The following MAMDC2 variants were observed in gnomAD, a reference collection of about 807,000 sequenced individuals.
The protein encoded by MAMDC2 is MAM domain-containing protein 2.
In MAMDC2, 57 loss-of-function variants were observed where a neutral mutation model predicts 89.8. The ratio of observed to expected loss-of-function variants is 0.63; its 90% confidence interval spans 0.51 to 0.79. The LOEUF (loss-of-function observed/expected upper bound fraction) is 0.79. Ranked by LOEUF, MAMDC2 falls within the 30% of genes least tolerant of loss-of-function variation. The probability of loss-of-function intolerance (pLI) is 0.00; values close to 1 mark genes in which losing one functional copy is unlikely to be tolerated. For synonymous variants in MAMDC2, 313 were observed against 293.4 expected, an observed-to-expected ratio of 1.07 and a Z score of -0.68; for missense variants, 800 against 820.6, an observed-to-expected ratio of 0.97 and a Z score of 0.31.
At chr9:70,181,008 C>T (rs2032634233) in intron 11 of MAMDC2, among the ~76,000 whole-genome samples, 1 of 152,184 alleles carries the variant, frequency 6.6e-6, no homozygotes, top group South Asian at 2.1e-4. Context: ...AGTCTTTAAT[C>T]CAACTTGAGT....
intron 11 of MAMDC2, among the ~76,000 whole-genome samples, chr9:70,197,676 G>C (rs2032999750): frequency 6.6e-6 from 1 of 152,028 alleles, no homozygotes; most frequent in South Asian, 2.1e-4. Context: ...AAAAGAAAGA[G>C]ACAATAACAT....
At chr9:70,126,509 CACT>C in intron 6 of MAMDC2, 94 bp downstream of exon 6, 2 of 1,310,482 alleles carry the variant, frequency 1.5e-6, no homozygotes, top group Non-Finnish European at 2.1e-6. Context: ...TGCAGCCTCA[CACT>C]CAGTCTGTCT....
chr9:70,178,817 G>A (rs1004597404), intron 11 of MAMDC2, among the ~76,000 whole-genome samples: 2 of 152,166 alleles, frequency 1.3e-5, no homozygotes, highest in Non-Finnish European at 2.9e-5. Flanking sequence ...AGCTCTCCTT[G>A]TGGGTATCTG....
rs1215738162 is a variant in MAMDC2 at position 70,221,356 on chromosome 9, A to AATATAT, written c.1911+2780_1911+2785dup. Among the ~76,000 whole-genome samples, 14 of 9,406 alleles carry AATATAT rather than the reference A, an allele frequency of 1.5e-3. 1 individual carries two copies. The highest frequency in any genetic ancestry group is 0.013 in the East Asian group (2 of 154). 6.2% of individuals were successfully genotyped at this position (9,406 alleles called of 152,430 possible). On this transcript the variant is annotated intron_variant, in intron 12 of 13. Coordinates refer to ENST00000377182, the MANE Select transcript of MAMDC2 (RefSeq NM_153267.5). ...AAAAAAAAAAGCAAGCCAAACAACA[A>AATATAT]ATATATATATATATATATATATATA...
chr9:70,176,618 G>C (rs2032509743), intron 11 of MAMDC2, among the ~76,000 whole-genome samples: 1 of 152,048 alleles, frequency 6.6e-6, no homozygotes, highest in Admixed American at 6.5e-5. Flanking sequence ...TTTATTCTCT[G>C]TTTCATTTGC....
chr9:70,174,558 T>C (rs1480456606), intron 11 of MAMDC2, among the ~76,000 whole-genome samples: 1 of 151,942 alleles, frequency 6.6e-6, no homozygotes. Flanking sequence ...GGGACAGCCA[T>C]TGCAAAGCCC....
At chr9:70,148,376 T>C (rs2031472465) in intron 9 of MAMDC2, among the ~76,000 whole-genome samples, 1 of 150,210 alleles carries the variant, frequency 6.7e-6, no homozygotes, top group Admixed American at 6.7e-5. Flanking sequence ...CAGCATAACA[T>C]AGTGATTAGG....
At position 70,166,270 on chromosome 9, in the gene MAMDC2, T is replaced by TACACACAC. The variant is rs1372969228; in HGVS notation, c.1405-2431_1405-2430insCACACACA. Among the ~76,000 whole-genome samples the TACACACAC allele has an allele frequency of 6.8e-4, 24 of 35,132 alleles. No homozygotes were observed. The South Asian group carries it at 0.011, about 15-fold the overall frequency. 23.0% of individuals were successfully genotyped at this position (35,132 alleles called of 152,430 possible). The stretch of plus-strand genomic sequence containing the variant: ...AAAAAAAACAAAACAGAAATATATA[T>TACACACAC]ATATATACACACACACACACACACA... On this transcript the variant is annotated intron_variant, in intron 9 of 13. Transcript: ENST00000377182.
In MAMDC2 at chr9:70,218,296, G is replaced by A. The variant is rs1218129657; in HGVS notation, c.1652-41G>A. The A allele has an allele frequency of 6.4e-6, 10 of 1,566,416 alleles. No homozygotes were observed. The South Asian group carries it at 1.1e-4, about 17-fold the overall frequency. On this transcript the variant is annotated intron_variant, in intron 11 of 13. Transcript: ENST00000377182. Reference sequence around the variant, plus strand: ...ATTATGAAAGGAGAAAATGTAATTTGTGTCCTTTTTAACAATACCTGCTTT... The same window carrying A: ...ATTATGAAAGGAGAAAATGTAATTTATGTCCTTTTTAACAATACCTGCTTT...
chr9:70,172,039 T>C (rs1482713371), intron 11 of MAMDC2: 2 of 152,228 alleles, frequency 1.3e-5, no homozygotes, highest in African/African-American at 2.4e-5. Flanking sequence ...TGGTAGAATG[T>C]AATAATGAAC....
intron 2 of MAMDC2, among the ~76,000 whole-genome samples, chr9:70,077,232 A>G (rs1252138445): frequency 6.6e-6 from 1 of 152,190 alleles, no homozygotes; most frequent in Non-Finnish European, 1.5e-5. Flanking sequence ...TGATCACGTC[A>G]AAGAATGAAG....
intron 9 of MAMDC2, among the ~76,000 whole-genome samples, chr9:70,163,232 T>C (rs2032044219): frequency 6.8e-6 from 1 of 146,542 alleles, no homozygotes; most frequent in Non-Finnish European, 1.5e-5. Flanking sequence ...TTTCTTTCTT[T>C]TTTTTTTTTT....
chr9:70,094,322 T>C (rs189834939), intron 2 of MAMDC2, among the ~76,000 whole-genome samples: 43 of 152,340 alleles, frequency 2.8e-4, no homozygotes, highest in Non-Finnish European at 5.1e-4. Context: ...TTGAGGCTGA[T>C]AAAACTATAG....
At chr9:70,161,244 T>G (rs2031958179) in intron 9 of MAMDC2, among the ~76,000 whole-genome samples, 1 of 152,166 alleles carries the variant, frequency 6.6e-6, no homozygotes, top group African/African-American at 2.4e-5. Context: ...AATGAAAAAG[T>G]TCAGCTACAG....
intron 2 of MAMDC2, among the ~76,000 whole-genome samples, chr9:70,047,179 C>T (rs1826773444): frequency 6.6e-6 from 1 of 150,474 alleles, no homozygotes; most frequent in Admixed American, 6.7e-5. Flanking sequence ...GAGACTTTTG[C>T]CCACATGCAC....
chr9:70,069,067 C>G (rs2975911), intron 2 of MAMDC2, among the ~76,000 whole-genome samples: 27,052 of 152,088 alleles, frequency 0.18, 3,864 homozygotes, highest in African/African-American at 0.39. Context: ...AGGGGCAGAA[C>G]CCGGTAGAAG....
At chr9:70,174,873 C>T (rs574063382) in intron 11 of MAMDC2, among the ~76,000 whole-genome samples, 37 of 151,972 alleles carry the variant, frequency 2.4e-4, no homozygotes, top group African/African-American at 8.4e-4. Flanking sequence ...TTACAGGTGC[C>T]CGCCACCATG....
intron 3 of MAMDC2, among the ~76,000 whole-genome samples, 194 bp from the exon 4 acceptor site, chr9:70,109,526 C>T (rs1388670016): frequency 6.6e-6 from 1 of 152,204 alleles, no homozygotes; most frequent in Non-Finnish European, 1.5e-5. Flanking sequence ...CATGCGCATG[C>T]ACACACATAT....
intron 11 of MAMDC2, chr9:70,216,395 C>T (rs1306595061): frequency 6.6e-6 from 1 of 151,860 alleles, no homozygotes; most frequent in African/African-American, 2.4e-5. Context: ...TGCTGTGTGC[C>T]CACATGGCCT....
Sources: gnomAD v4.1 joint callset for allele counts (sites outside exome capture counted in the v4.1 genomes callset) on GRCh38, gnomAD v4.1.1 for gene constraint, MANE v1.5 for transcripts, NCBI Gene and HGNC (gene_info 2026-07-23, HGNC 2026-07-21) for gene names.